SEC14L5: variants seen among roughly 807,000 people sequenced by gnomAD.
SEC14L5 encodes SEC14 like lipid binding 5.
A neutral mutation model predicts 84.6 loss-of-function variants in SEC14L5; 96 were observed. The observed-to-expected ratio is 1.13, with a 90% CI of 0.96 to 1.34. The LOEUF is 1.34. Among genes scored for constraint, SEC14L5 ranks in the 40% most tolerant of loss-of-function variants. The probability of loss-of-function intolerance (pLI) is 0.00; values close to 1 mark genes in which losing one functional copy is unlikely to be tolerated. For synonymous variants in SEC14L5, 546 were observed against 383.4 expected (o/e 1.42, Z -4.95); for missense variants, 1,224 against 942.5 (o/e 1.30, Z -3.91).
chr16:4,980,257 G>A (rs1464267035), intron 2 of SEC14L5, among the ~76,000 whole-genome samples: 1 of 152,216 alleles, frequency 6.6e-6, no homozygotes, highest in Non-Finnish European at 1.5e-5. Flanking sequence ...ACTGGCTCTG[G>A]GATGGACGCC....
intron 2 of SEC14L5, among the ~76,000 whole-genome samples, chr16:4,961,534 G>T (rs896123583): frequency 6.6e-6 from 1 of 152,018 alleles, no homozygotes; most frequent in Admixed American, 6.6e-5. Context: ...TCATCACGTT[G>T]GCCACGCTGG....
At chr16:4,990,632 C>A (rs1176745781) in intron 4 of SEC14L5, 135 bp from the exon 5 acceptor site, 1 of 791,554 alleles carries the variant, frequency 1.3e-6, no homozygotes, top group Non-Finnish European at 1.9e-6. Flanking sequence ...GTCCTGCTAC[C>A]CCATCCAGGG....
intron 8 of SEC14L5, 77 bp from the exon 9 acceptor site, chr16:5,000,578 C>G (rs1568139813): frequency 8.8e-7 from 1 of 1,131,750 alleles, no homozygotes; most frequent in Non-Finnish European, 1.3e-6. Context: ...AAGCTCTCAC[C>G]TGCAGCTGTG....
chr16:5,016,856 C>T lies in SEC14L5; in HGVS notation c.*1886C>T, dbSNP rs1395626212. ...TCCTGTTGGCTCTCTGTCCGCTTCT[C>T]AGGTATCTGAACAAAATAGATTGCT... On this transcript the variant is annotated 3_prime_UTR_variant, in exon 16 of 16. Transcript: ENST00000251170. The T allele has an allele frequency of 1.3e-5, 2 of 152,206 alleles. No individual in the cohort carries two copies. Among genetic ancestry groups the T allele is most frequent in the African/African-American group, 2.4e-5 (1 of 41,462 alleles). The allele number at this position is 152,206 out of a possible 1,614,324, so 9.4% of individuals were successfully genotyped here. A position where few individuals can be genotyped will look rare whatever the true frequency, so the allele number is the denominator to read the frequency against.
chr16:4,968,782 G>A (rs540886216), intron 2 of SEC14L5, among the ~76,000 whole-genome samples: 1 of 152,384 alleles, frequency 6.6e-6, no homozygotes, highest in South Asian at 2.1e-4. Context: ...AAGGAAGATG[G>A]CTTGGAGTAG....
At chr16:4,981,772 G>A (rs908650825) in intron 2 of SEC14L5, among the ~76,000 whole-genome samples, 5 of 152,250 alleles carry the variant, frequency 3.3e-5, no homozygotes, top group African/African-American at 7.2e-5. Flanking sequence ...AGACATATAC[G>A]CACTTTCCAA....
Position 4,995,673 on chromosome 16 carries a change from C to T in SEC14L5, c.668-675C>T, listed in dbSNP as rs560248139. Among the ~76,000 whole-genome samples, 3 of 146,576 alleles carry T rather than the reference C, an allele frequency of 2.0e-5. No individual in the cohort carries two copies. The Admixed American group carries it at 2.1e-4, about 10-fold the overall frequency. On this transcript the variant is annotated intron_variant, in intron 6 of 15. Transcript: ENST00000251170. ...ACGGAGTCTCACTCTGTTGCCCAGG[C>T]TGGAGTGCAGTGGTGCAATCTTGGC...
At position 4,987,704 on chromosome 16, in the gene SEC14L5, AAGGT is replaced by A; in HGVS notation, c.212_213+2del. On this transcript the variant is annotated splice_donor_variant and coding_sequence_variant, in exon 3 of 16. Coordinates refer to ENST00000251170, the MANE Select transcript of SEC14L5 (RefSeq NM_014692.2). LOFTEE classifies it high-confidence loss of function. ...CGTGGACGCCCCGCGGCTGCTGCGGAAGGTGGGCGGCCCTGGGGCTGGGGGGCGG... is the reference window on the plus strand; with the variant it reads ...CGTGGACGCCCCGCGGCTGCTGCGGAGGGCGGCCCTGGGGCTGGGGGGCGG... 1 of 1,516,586 alleles carries A rather than the reference AAGGT, an allele frequency of 6.6e-7. No homozygotes were observed. The allele number at this position is 1,516,586 out of a possible 1,614,324, so 93.9% of individuals were successfully genotyped here. A position where few individuals can be genotyped will look rare whatever the true frequency, so the allele number is the denominator to read the frequency against.
chr16:4,997,536 A>C (rs1236341862), intron 8 of SEC14L5, among the ~76,000 whole-genome samples: 2 of 152,216 alleles, frequency 1.3e-5, no homozygotes, highest in Non-Finnish European at 2.9e-5. Context: ...GGGCTTGAGG[A>C]GGAGACATTT....
At chr16:4,964,037 C>T (rs1321592841) in intron 2 of SEC14L5, among the ~76,000 whole-genome samples, 1 of 152,158 alleles carries the variant, frequency 6.6e-6, no homozygotes, top group African/African-American at 2.4e-5. Flanking sequence ...AAACAATGAG[C>T]TTTTATTATC....
At chr16:4,975,713 T>G (rs539694172) in intron 2 of SEC14L5, among the ~76,000 whole-genome samples, 77 of 152,200 alleles carry the variant, frequency 5.1e-4, no homozygotes, top group African/African-American at 1.7e-3. Flanking sequence ...AAAAAAGAGT[T>G]GGAGGAGGTG....
At chr16:4,992,538 C>G (rs1955563705) in intron 6 of SEC14L5, among the ~76,000 whole-genome samples, 1 of 152,224 alleles carries the variant, frequency 6.6e-6, no homozygotes. Context: ...AGGCGTAAGC[C>G]GTTGCACCCG....
intron 13 of SEC14L5, 74 bp downstream of exon 13, chr16:5,007,560 C>T: frequency 1.6e-6 from 2 of 1,215,622 alleles, no homozygotes; most frequent in Non-Finnish European, 2.3e-6. Context: ...CCCCAAAACA[C>T]AGCTTGAGAT....
At chr16:4,994,817 A>G (rs1195621384) in intron 6 of SEC14L5, among the ~76,000 whole-genome samples, 2 of 152,034 alleles carry the variant, frequency 1.3e-5, no homozygotes, top group Non-Finnish European at 2.9e-5. Flanking sequence ...CCAGCAGCAC[A>G]GGCACTCAGG....
Position 5,015,638 on chromosome 16 carries a change from G to C in SEC14L5, c.*668G>C, listed in dbSNP as rs1402481683. ...TCTCAAAAGCACTAGTGGGTGCCTCGAGGAGTACTGGGGTCCCCCCTAAGA... is the reference window on the plus strand; with the variant it reads ...TCTCAAAAGCACTAGTGGGTGCCTCCAGGAGTACTGGGGTCCCCCCTAAGA... On this transcript the variant is annotated 3_prime_UTR_variant, in exon 16 of 16. Transcript: ENST00000251170. 2.0e-5 allele frequency: 3 copies of C among 152,840 alleles called. No individual in the cohort carries two copies. Among genetic ancestry groups the C allele is most frequent in the East Asian group, 3.9e-4 (2 of 5,184 alleles). 9.5% of individuals were successfully genotyped at this position (152,840 alleles called of 1,614,324 possible).
rs758053771 is a variant in SEC14L5, at chr16:5,014,922, G to GTCCTCC, written c.2050_2055dup (p.Ser684_Ser685dup). Reference sequence around the variant, plus strand: ...TCTCCCAGCTCAGCGCCGCCACCTCGTCCTCCTCCTCCGGCCAGTCTCATA... The same window carrying GTCCTCC: ...TCTCCCAGCTCAGCGCCGCCACCTCGTCCTCCTCCTCCTCCTCCGGCCAGTCTCATA... On this transcript the variant is annotated inframe_insertion, in exon 16 of 16. Transcript: ENST00000251170. 6.2e-7 allele frequency: 1 copy of GTCCTCC among 1,612,844 alleles called. No homozygotes were observed. Among genetic ancestry groups the GTCCTCC allele is most frequent in the African/African-American group, 1.3e-5 (1 of 75,030 alleles).
At chr16:4,990,525 C>A (rs1437909051) in intron 4 of SEC14L5, among the ~76,000 whole-genome samples, 1 of 152,214 alleles carries the variant, frequency 6.6e-6, no homozygotes, top group African/African-American at 2.4e-5. Context: ...GGCAGGGCTG[C>A]AGATTTGAGA....
chr16:4,983,149 T>A (rs1399035844), intron 2 of SEC14L5, among the ~76,000 whole-genome samples: 3 of 151,932 alleles, frequency 2.0e-5, no homozygotes, highest in African/African-American at 7.2e-5. Context: ...ATTACAAACA[T>A]GTGCCACCAT....
intron 2 of SEC14L5, among the ~76,000 whole-genome samples, chr16:4,964,114 C>T (rs1347567002): frequency 6.6e-6 from 1 of 152,220 alleles, no homozygotes; most frequent in African/African-American, 2.4e-5. Flanking sequence ...GGAGAGGGTC[C>T]GTCAGTCCTT....
Sources: allele counts gnomAD v4.1 joint callset (sites outside exome capture counted in the v4.1 genomes callset), GRCh38; gene constraint gnomAD v4.1.1; transcripts MANE v1.5; gene names NCBI Gene and HGNC (gene_info 2026-07-23, HGNC 2026-07-21).